LPAR1: variants seen among roughly 807,000 people sequenced by gnomAD.
LPAR1 encodes the protein LPA receptor 1.
LPAR1 carries 5 observed loss-of-function variants against 23.8 expected under a neutral mutation model. The observed-to-expected ratio is 0.21, with a 90% confidence interval of 0.11 to 0.44. LPAR1 has a LOEUF of 0.44. Among genes scored for constraint, LPAR1 ranks in the 20% least tolerant of loss-of-function variants. The probability of loss-of-function intolerance (pLI) is 0.99; values close to 1 mark genes in which losing one functional copy is unlikely to be tolerated. For synonymous variants in LPAR1, 160 were observed against 164.7 expected (o/e 0.97, Z 0.22); for missense variants, 311 against 482.8 (o/e 0.64, Z 3.33).
At chr9:110,936,103 C>G (rs188215690) in intron 5 of LPAR1, among the ~76,000 whole-genome samples, 1 of 152,188 alleles carries the variant, frequency 6.6e-6, no homozygotes, top group African/African-American at 2.4e-5. Flanking sequence ...TCACTCCACT[C>G]GTCATCACTC....
chr9:110,999,531 C>T (rs1454403492), intron 2 of LPAR1: 2 of 429,122 alleles, frequency 4.7e-6, no homozygotes, highest in Admixed American at 5.3e-5. Context: ...CTACCACAGA[C>T]TGGGTGGCTT....
chr9:111,038,584 G>A (rs2097945140), upstream of LPAR1: 1 of 454,008 alleles, frequency 2.2e-6, no homozygotes, highest in African/African-American at 2.0e-5. This position sits in a 1 kb window ranked among gnomAD's most constrained non-coding sequence, Gnocchi z 4.4. Context: ...CTTGTTCCAC[G>A]TAGCACAAGT....
chr9:110,921,388 G>A (rs941663017), intron 5 of LPAR1, among the ~76,000 whole-genome samples: 3 of 152,108 alleles, frequency 2.0e-5, no homozygotes, highest in Non-Finnish European at 4.4e-5. Context: ...TGTTCCTAAA[G>A]ACATTAAAAT....
chr9:111,005,790 G>A (rs1441983905), intron 2 of LPAR1, among the ~76,000 whole-genome samples: 1 of 152,068 alleles, frequency 6.6e-6, no homozygotes, highest in Non-Finnish European at 1.5e-5. Flanking sequence ...TCCACAAGGT[G>A]AACTCCCTTT....
chr9:110,951,689 T>A (rs573506759), intron 4 of LPAR1, among the ~76,000 whole-genome samples: 119 of 152,204 alleles, frequency 7.8e-4, no homozygotes, highest in Non-Finnish European at 1.4e-3. Context: ...TTTAGTACAA[T>A]AGCTTTGAAA....
chr9:110,905,195 ACTTCTTCCTCAGTTTACCATGCTATC>A (rs1204835210), intron 5 of LPAR1, among the ~76,000 whole-genome samples: 1 of 152,172 alleles, frequency 6.6e-6, no homozygotes, highest in Non-Finnish European at 1.5e-5. Flanking sequence ...ACATGCTCTC[ACTTCTTCCTCAGTTTACCATGCTATC>A]CTATTCCAAG....
chr9:111,007,279 A>T (rs1045154713), intron 2 of LPAR1, among the ~76,000 whole-genome samples: 1 of 152,182 alleles, frequency 6.6e-6, no homozygotes, highest in African/African-American at 2.4e-5. Flanking sequence ...CAGCAGTATA[A>T]AAATGGCCTA....
intron 5 of LPAR1, among the ~76,000 whole-genome samples, chr9:110,913,329 T>G (rs1258802090): frequency 6.6e-6 from 1 of 152,178 alleles, no homozygotes; most frequent in Non-Finnish European, 1.5e-5. Context: ...TTAGATTAAA[T>G]ACAGGTTTCC....
chr9:111,019,369 A>G (rs1205234593), intron 2 of LPAR1, among the ~76,000 whole-genome samples: 2 of 152,188 alleles, frequency 1.3e-5, no homozygotes, highest in Admixed American at 6.5e-5. Flanking sequence ...TTGGTTTTAA[A>G]TAAGTTGAAC....
At chr9:110,965,252 T>C (rs1204895054) in intron 4 of LPAR1, among the ~76,000 whole-genome samples, 1 of 152,170 alleles carries the variant, frequency 6.6e-6, no homozygotes, top group African/African-American at 2.4e-5. Context: ...CAAATTCACA[T>C]CTTCAATGAA....
intron 4 of LPAR1, among the ~76,000 whole-genome samples, chr9:110,962,579 A>G (rs2096042780): frequency 6.6e-6 from 1 of 152,198 alleles, no homozygotes; most frequent in South Asian, 2.1e-4. Flanking sequence ...TCCTGCTACT[A>G]AAGGTTGTCT....
intron 4 of LPAR1, among the ~76,000 whole-genome samples, chr9:110,947,276 C>A (rs2095414866): frequency 6.6e-6 from 1 of 152,166 alleles, no homozygotes; most frequent in South Asian, 2.1e-4. Flanking sequence ...TAATTAGAAA[C>A]TTCTCTGTAA....
At chr9:110,942,573 T>A (rs1177351422) in intron 4 of LPAR1, among the ~76,000 whole-genome samples, 1 of 152,242 alleles carries the variant, frequency 6.6e-6, no homozygotes. Context: ...AGTTGGTTTC[T>A]AGATAGGGTA....
At chr9:110,894,010 A>T (rs1267368358) in intron 5 of LPAR1, among the ~76,000 whole-genome samples, 1 of 152,254 alleles carries the variant, frequency 6.6e-6, no homozygotes, top group African/African-American at 2.4e-5. Context: ...TAAATTAGAA[A>T]TGCTTCAATG....
chr9:110,902,525 G>A (rs192238112), intron 5 of LPAR1, among the ~76,000 whole-genome samples: 1 of 152,176 alleles, frequency 6.6e-6, no homozygotes, highest in East Asian at 1.9e-4. Flanking sequence ...AGTTTCCTGA[G>A]GCCTTCCAAG....
At chr9:110,891,702 A>C (rs911862686) in intron 5 of LPAR1, among the ~76,000 whole-genome samples, 5 of 152,212 alleles carry the variant, frequency 3.3e-5, no homozygotes, top group African/African-American at 7.2e-5. Flanking sequence ...ACAATAATAA[A>C]ATGAATAATC....
chr9:110,978,926 G>A (rs537184926), intron 2 of LPAR1, among the ~76,000 whole-genome samples: 3 of 152,126 alleles, frequency 2.0e-5, no homozygotes, highest in African/African-American at 7.2e-5. Flanking sequence ...TGGTTGTGGG[G>A]AGAGGGAGTT....
chr9:110,881,464 A>C (rs2080812794), intron 5 of LPAR1, among the ~76,000 whole-genome samples: 2 of 152,170 alleles, frequency 1.3e-5, no homozygotes, highest in Non-Finnish European at 2.9e-5. Flanking sequence ...TCCTGTGCCC[A>C]AGAGAATGCC....
chr9:111,005,403 G>T (rs956216498), intron 2 of LPAR1, among the ~76,000 whole-genome samples: 1 of 151,498 alleles, frequency 6.6e-6, no homozygotes, highest in Non-Finnish European at 1.5e-5. Context: ...AAAATTAGCT[G>T]GGTGTGGTGG....
Sources: allele counts gnomAD v4.1 joint callset (sites outside exome capture counted in the v4.1 genomes callset), GRCh38; gene constraint gnomAD v4.1.1; non-coding constraint Gnocchi (gnomAD v3.1); transcripts MANE v1.5; gene names NCBI Gene and HGNC (gene_info 2026-07-23, HGNC 2026-07-21).